Variants in CNTN5 observed in about 807,000 individuals in gnomAD.
CNTN5 encodes contactin 5, also known as contactin-5.
Under a neutral mutation model 129.1 loss-of-function variants are expected in CNTN5, and 77 were observed. That is an observed-to-expected ratio of 0.60 (90% CI 0.50 to 0.72). The LOEUF is 0.72. Ranked by LOEUF, CNTN5 falls within the 30% of genes least tolerant of loss-of-function variation. The pLI, the probability that CNTN5 is intolerant of heterozygous loss-of-function variation, is 0.00. For missense variants in CNTN5, 1,478 were observed against 1,328.8 expected, an observed-to-expected ratio of 1.11 and a Z score of -1.75; for synonymous variants, 509 against 465.6, an observed-to-expected ratio of 1.09 and a Z score of -1.20.
At chr11:99,367,786 A>ACTTTT (rs1939546206) in intron 2 of CNTN5, among the ~76,000 whole-genome samples, 1 of 152,186 alleles carries the variant, frequency 6.6e-6, no homozygotes, top group Non-Finnish European at 1.5e-5. Context: ...TTAAAAGAAG[A>ACTTTT]AATTGAATGA....
intron 2 of CNTN5, among the ~76,000 whole-genome samples, chr11:99,492,652 G>T (rs1323771399): frequency 1.3e-5 from 2 of 151,982 alleles, no homozygotes; most frequent in African/African-American, 2.4e-5. Flanking sequence ...TCATTGCTGA[G>T]ACCCCTATAA....
chr11:99,466,365 T>C (rs113502947), intron 2 of CNTN5, among the ~76,000 whole-genome samples: 1,845 of 152,248 alleles, frequency 0.012, 39 homozygotes, highest in African/African-American at 0.042. Flanking sequence ...TCATGTACCA[T>C]TCCTAAAACC....
At chr11:99,578,056 T>C (rs377044593) in intron 3 of CNTN5, among the ~76,000 whole-genome samples, 2 of 144,840 alleles carry the variant, frequency 1.4e-5, no homozygotes, top group African/African-American at 5.1e-5. Flanking sequence ...TCAATTCCCA[T>C]CTATGAGTGA....
Position 99,941,019 on chromosome 11 carries a change from A to T in CNTN5, c.674-15787A>T, listed in dbSNP as rs1950423090. Among the ~76,000 whole-genome samples, 3 of 152,118 alleles carry T rather than the reference A, an allele frequency of 2.0e-5. No homozygotes were observed. The South Asian group carries it at 6.2e-4, about 31-fold the overall frequency. ...GAAAAAGGTAGGGAAAAACATTGGGACATAGAAATGTGCTTACAGGTCTTC... is the reference window on the plus strand; with the variant it reads ...GAAAAAGGTAGGGAAAAACATTGGGTCATAGAAATGTGCTTACAGGTCTTC... On this transcript the variant is annotated intron_variant, in intron 7 of 24. Transcript: ENST00000524871.
intron 2 of CNTN5, among the ~76,000 whole-genome samples, chr11:99,554,956 G>T (rs1271352274): frequency 1.3e-5 from 2 of 151,756 alleles, no homozygotes; most frequent in Non-Finnish European, 2.9e-5. Flanking sequence ...TTTTGTTTAG[G>T]CTTGTTATAA....
At chr11:99,191,224 C>A (rs1462344428) in intron 1 of CNTN5, among the ~76,000 whole-genome samples, 1 of 151,626 alleles carries the variant, frequency 6.6e-6, no homozygotes, top group Non-Finnish European at 1.5e-5. Flanking sequence ...TTTAAATGTA[C>A]TGTTAAATTC....
intron 8 of CNTN5, among the ~76,000 whole-genome samples, chr11:100,001,679 A>C (rs1271282724): frequency 6.6e-6 from 1 of 152,208 alleles, no homozygotes; most frequent in Non-Finnish European, 1.5e-5. Context: ...TTATAAATGA[A>C]TATTTATTTG....
chr11:100,261,942 G>A (rs570879187), intron 17 of CNTN5, among the ~76,000 whole-genome samples: 110 of 152,122 alleles, frequency 7.2e-4, no homozygotes, highest in African/African-American at 1.9e-3. Context: ...GCCAAAATTG[G>A]AAAATGGGAT....
rs531996391 is a variant in CNTN5 at position 99,189,783 on chromosome 11, T to C, written c.-209-135563T>C. Among the ~76,000 whole-genome samples, 19 of 151,756 alleles carry C rather than the reference T, an allele frequency of 1.3e-4. No individual in the cohort carries two copies. In the East Asian group the frequency reaches 3.3e-3, roughly 26 times the overall value. On this transcript the variant is annotated intron_variant, in intron 1 of 24. Transcript: ENST00000524871. ...ATTTTTTGCTGTTGAGTTTTTTGAG[T>C]TTTTAATATATTTTAGGTGTTAACC...
intron 1 of CNTN5, among the ~76,000 whole-genome samples, chr11:99,130,051 T>C (rs1253459582): frequency 6.6e-6 from 1 of 152,080 alleles, no homozygotes; most frequent in East Asian, 1.9e-4. Flanking sequence ...AGCAATTACA[T>C]TAACAAGTCT....
At chr11:99,340,616 G>C (rs1177505596) in intron 2 of CNTN5, among the ~76,000 whole-genome samples, 1 of 152,164 alleles carries the variant, frequency 6.6e-6, no homozygotes, top group Non-Finnish European at 1.5e-5. Context: ...CTTGCTAAGA[G>C]CTTTTGCAAT....
At chr11:99,584,720 T>C (rs1949734537) in intron 3 of CNTN5, among the ~76,000 whole-genome samples, 1 of 152,260 alleles carries the variant, frequency 6.6e-6, no homozygotes, top group South Asian at 2.1e-4. Context: ...AGAAGTACAG[T>C]GGCTGCCTCA....
chr11:99,152,409 T>A (rs1354965323), intron 1 of CNTN5, among the ~76,000 whole-genome samples: 3 of 152,210 alleles, frequency 2.0e-5, no homozygotes, highest in Non-Finnish European at 4.4e-5. Flanking sequence ...CCCTTCTTTG[T>A]CTTTTTTGAC....
At chr11:99,711,631 A>T (rs1323222003) in intron 3 of CNTN5, among the ~76,000 whole-genome samples, 1 of 151,576 alleles carries the variant, frequency 6.6e-6, no homozygotes, top group Non-Finnish European at 1.5e-5. Context: ...TCCCTCCCCT[A>T]GCCCCCCACC....
chr11:99,708,653 T>C (rs760646383), intron 3 of CNTN5, among the ~76,000 whole-genome samples: 6 of 151,732 alleles, frequency 4.0e-5, no homozygotes, highest in Non-Finnish European at 8.8e-5. Flanking sequence ...TTTTCTTCGA[T>C]GCCTACTGAT....
intron 13 of CNTN5, among the ~76,000 whole-genome samples, chr11:100,099,323 C>A (rs1228411719): frequency 6.6e-6 from 1 of 151,948 alleles, no homozygotes; most frequent in Admixed American, 6.6e-5. Context: ...GGTGGTTGGA[C>A]ACCCTAGGGA....
intron 13 of CNTN5, among the ~76,000 whole-genome samples, chr11:100,158,238 G>C (rs532834964): frequency 5.9e-5 from 9 of 151,918 alleles, no homozygotes; most frequent in Admixed American, 5.3e-4. Flanking sequence ...AAATGGATCA[G>C]GGTTACTGGA....
At chr11:99,501,924 T>C (rs1946441022) in intron 2 of CNTN5, among the ~76,000 whole-genome samples, 1 of 152,220 alleles carries the variant, frequency 6.6e-6, no homozygotes, top group Non-Finnish European at 1.5e-5. Flanking sequence ...TTCCATCTTT[T>C]ATTAGCGTAA....
intron 1 of CNTN5, among the ~76,000 whole-genome samples, chr11:99,287,296 G>T (rs554328837): frequency 6.6e-6 from 1 of 152,000 alleles, no homozygotes; most frequent in Non-Finnish European, 1.5e-5. Flanking sequence ...TGTTTTCCTG[G>T]ACATTGACCA....
Sources: allele counts gnomAD v4.1 joint callset (sites outside exome capture counted in the v4.1 genomes callset), GRCh38; gene constraint gnomAD v4.1.1; transcripts MANE v1.5; gene names NCBI Gene and HGNC (gene_info 2026-07-23, HGNC 2026-07-21).